CNTN4: variants seen among roughly 807,000 people sequenced by gnomAD.
The protein encoded by CNTN4 is contactin 4, also known as contactin-4.
A neutral mutation model predicts 122.5 loss-of-function variants in CNTN4; 77 were observed. The ratio of observed to expected loss-of-function variants is 0.63; its 90% CI spans 0.52 to 0.76. The LOEUF (loss-of-function observed/expected upper bound fraction) is 0.76. Ranked by LOEUF, CNTN4 falls within the 30% of genes least tolerant of loss-of-function variation. The pLI is 0.00. For synonymous variants in CNTN4, 512 were observed against 447.0 expected (o/e 1.15, Z -1.83); for missense variants, 1,256 against 1,259.1 (o/e 1.00, Z 0.04).
intron 13 of CNTN4, among the ~76,000 whole-genome samples, chr3:2,977,705 T>TG (rs1189784602): frequency 6.6e-6 from 1 of 152,146 alleles, no homozygotes; most frequent in African/African-American, 2.4e-5. Context: ...CTAACAGCCC[T>TG]GGGGGGTTTC....
At chr3:2,319,673 G>A (rs1189362155) in intron 2 of CNTN4, among the ~76,000 whole-genome samples, 1 of 152,124 alleles carries the variant, frequency 6.6e-6, no homozygotes, top group Non-Finnish European at 1.5e-5. Context: ...ATGCATATAA[G>A]ATACAAAATA....
rs1019688869 is a variant in CNTN4, at chr3:2,785,495, C to A, written c.359-33991C>A. 1.3e-5 allele frequency among the ~76,000 whole-genome samples: 2 copies of A among 152,200 alleles called. 1 individual carries two copies. Among genetic ancestry groups the A allele is most frequent in the South Asian group, 4.1e-4 (2 of 4,824 alleles). On this transcript the variant is annotated intron_variant, in intron 6 of 24. Transcript: ENST00000418658. ...CCACTGATTGCAATGCTGACCTCAT[C>A]TGGAAGCACCATTACAACACATCCA... is the stretch of plus-strand genomic sequence containing the variant.
chr3:2,821,143 G>C (rs1045192405), intron 7 of CNTN4, among the ~76,000 whole-genome samples: 7 of 151,790 alleles, frequency 4.6e-5, no homozygotes, highest in Admixed American at 3.9e-4. Flanking sequence ...TTTTAGTAGA[G>C]ATAGGATTTC....
At chr3:2,281,857 G>T (rs866726020) in intron 2 of CNTN4, among the ~76,000 whole-genome samples, 1 of 152,060 alleles carries the variant, frequency 6.6e-6, no homozygotes, top group Admixed American at 6.6e-5. Flanking sequence ...TAATATACTA[G>T]AAGTTTGGTA....
chr3:2,720,031 C>G (rs995908208), intron 4 of CNTN4, among the ~76,000 whole-genome samples: 1 of 152,020 alleles, frequency 6.6e-6, no homozygotes, highest in Non-Finnish European at 1.5e-5. Context: ...CACATTAACT[C>G]AAGTGTCTAT....
intron 6 of CNTN4, among the ~76,000 whole-genome samples, chr3:2,789,384 GC>G (rs1463205226): frequency 2.6e-5 from 4 of 152,218 alleles, no homozygotes; most frequent in African/African-American, 9.6e-5. Context: ...AAATTGCCAT[GC>G]CTGAGAAGGC....
At chr3:2,843,120 G>A (rs2093393168) in intron 7 of CNTN4, among the ~76,000 whole-genome samples, 1 of 152,072 alleles carries the variant, frequency 6.6e-6, no homozygotes, top group Non-Finnish European at 1.5e-5. Context: ...CATCTCAAAG[G>A]TAATATGACT....
chr3:2,510,446 C>T (rs986338412), intron 3 of CNTN4, among the ~76,000 whole-genome samples: 2 of 150,660 alleles, frequency 1.3e-5, no homozygotes, highest in African/African-American at 2.4e-5. Flanking sequence ...CTGACTCCCT[C>T]AATGTTCTCC....
intron 2 of CNTN4, among the ~76,000 whole-genome samples, chr3:2,187,677 A>G (rs1300328641): frequency 3.9e-5 from 6 of 152,264 alleles, no homozygotes; most frequent in Non-Finnish European, 7.4e-5. Flanking sequence ...AGATGTATTT[A>G]CCGTCTGCCC....
intron 3 of CNTN4, among the ~76,000 whole-genome samples, chr3:2,549,175 A>G (rs1237497238): frequency 1.3e-5 from 2 of 152,130 alleles, no homozygotes; most frequent in African/African-American, 2.4e-5. Context: ...CTGTCTTCCT[A>G]TTTGAATACT....
intron 2 of CNTN4, among the ~76,000 whole-genome samples, chr3:2,303,441 C>T (rs2042596939): frequency 6.6e-6 from 1 of 152,132 alleles, no homozygotes. Flanking sequence ...TAAATGGAAG[C>T]AGGCGATATG....
chr3:2,583,076 T>A (rs1392865164), intron 4 of CNTN4, among the ~76,000 whole-genome samples: 1 of 152,182 alleles, frequency 6.6e-6, no homozygotes, highest in African/African-American at 2.4e-5. Flanking sequence ...TCCACATGCG[T>A]GACATCTATA....
chr3:2,607,219 G>A (rs13067241), intron 4 of CNTN4, among the ~76,000 whole-genome samples: 1 of 152,164 alleles, frequency 6.6e-6, no homozygotes, highest in Admixed American at 6.5e-5. Flanking sequence ...TAGTCATATT[G>A]CAGAGCAATT....
At chr3:2,510,143 C>G (rs973392756) in intron 3 of CNTN4, among the ~76,000 whole-genome samples, 1 of 152,168 alleles carries the variant, frequency 6.6e-6, no homozygotes, top group African/African-American at 2.4e-5. Context: ...CAAAGACCCT[C>G]CATCCCCAAA....
At chr3:2,183,465 G>C (rs34016870) in intron 2 of CNTN4, among the ~76,000 whole-genome samples, 2 of 151,596 alleles carry the variant, frequency 1.3e-5, no homozygotes, top group African/African-American at 4.9e-5. Flanking sequence ...CTCTTTTTTT[G>C]GGGCTCATTT....
At chr3:2,238,743 T>C (rs1211416975) in intron 2 of CNTN4, 1 of 72,602 alleles carries the variant, frequency 1.4e-5, no homozygotes, top group Non-Finnish European at 3.0e-5. Flanking sequence ...GTGTTTTTTT[T>C]TTGAGACGGA....
intron 2 of CNTN4, among the ~76,000 whole-genome samples, chr3:2,311,237 AAAGT>A (rs1231274932): frequency 6.6e-6 from 1 of 152,102 alleles, no homozygotes; most frequent in Admixed American, 6.6e-5. Context: ...GTCTCTTCAG[AAAGT>A]AAAGCATTGC....
chr3:2,152,859 T>G (rs2035555918), intron 2 of CNTN4, among the ~76,000 whole-genome samples: 1 of 152,168 alleles, frequency 6.6e-6, no homozygotes, highest in African/African-American at 2.4e-5. Context: ...GCAGTCATTT[T>G]CATGAGAAGA....
At chr3:2,935,447 G>T (rs924116135) in intron 13 of CNTN4, among the ~76,000 whole-genome samples, 4 of 152,116 alleles carry the variant, frequency 2.6e-5, no homozygotes, top group African/African-American at 7.2e-5. Context: ...TGTGAATTTT[G>T]CAATGATTCA....
Sources: allele counts gnomAD v4.1 joint callset (sites outside exome capture counted in the v4.1 genomes callset), GRCh38; gene constraint gnomAD v4.1.1; transcripts MANE v1.5; gene names NCBI Gene and HGNC (gene_info 2026-07-23, HGNC 2026-07-21).